The following COL18A1 variants were observed in gnomAD, a reference collection of about 807,000 sequenced individuals.
COL18A1 encodes collagen type XVIII alpha 1 chain, also known as collagen alpha-1(XVIII) chain.
Under a neutral mutation model 168.0 loss-of-function variants are expected in COL18A1, and 133 were observed. That is an observed-to-expected ratio of 0.79 (90% CI 0.69 to 0.91). COL18A1 has a LOEUF of 0.91. COL18A1 is among the 40% of genes least tolerant of loss of function. The probability of loss-of-function intolerance (pLI) is 0.00; values close to 1 mark genes in which losing one functional copy is unlikely to be tolerated. For synonymous variants in COL18A1, 949 were observed against 809.0 expected, an observed-to-expected ratio of 1.17 and a Z score of -2.94; for missense variants, 2,126 against 1,925.4, an observed-to-expected ratio of 1.10 and a Z score of -1.95.
Position 45,471,090 on chromosome 21 carries a change from C to T in COL18A1, c.651+2304C>T, listed in dbSNP as rs188862444. Among the ~76,000 whole-genome samples, 974 of 125,408 alleles carry T rather than the reference C, an allele frequency of 7.8e-3. 36 individuals are homozygous for T. Among genetic ancestry groups the T allele is most frequent in the Admixed American group, 0.063 (798 of 12,760 alleles). 82.3% of individuals were successfully genotyped at this position (125,408 alleles called of 152,430 possible). A position where few individuals can be genotyped will look rare whatever the true frequency, so the allele number is the denominator to read the frequency against. On this transcript the variant is annotated intron_variant, in intron 3 of 41. Coordinates refer to ENST00000651438, the MANE Select transcript of COL18A1 (RefSeq NM_001379500.1). This position sits in a 1 kb window ranked among gnomAD's most constrained non-coding sequence, Gnocchi z 4.4. ...GCTGCTGGGCCTGGGTGGCGCGCTA[C>T]GGGCCGTGTGCTGCTGGGCCTGGGT...
intron 38 of COL18A1, among the ~76,000 whole-genome samples, chr21:45,508,140 T>C (rs1053710737): frequency 6.8e-6 from 1 of 145,990 alleles, no homozygotes; most frequent in Admixed American, 6.8e-5. Context: ...GGTGGGTGGA[T>C]GGAAAGGTGG....
At chr21:45,490,785 A>G in intron 20 of COL18A1, 51 bp from the exon 21 acceptor site, 2 of 1,532,836 alleles carry the variant, frequency 1.3e-6, no homozygotes, top group Non-Finnish European at 1.8e-6. Flanking sequence ...ACGGGGGGCC[A>G]GGGGCTCCTG....
intron 16 of COL18A1, 84 bp from the exon 17 acceptor site, chr21:45,487,363 T>G: frequency 4.6e-6 from 7 of 1,506,534 alleles, no homozygotes; most frequent in Non-Finnish European, 6.4e-6. Flanking sequence ...TGTCCCACCC[T>G]CCTCTCGGGC....
chr21:45,468,889 GC>G lies in COL18A1; in HGVS notation c.651+108del, dbSNP rs1297628235. On this transcript the variant is annotated intron_variant, in intron 3 of 41. Transcript: ENST00000651438. ...ACGGAGCTGTGGCCGGAAGAGGAGA[GC>G]CCCCACCCCAGCTGTGGTCAGCCCG... 3.3e-6 allele frequency: 4 copies of G among 1,227,922 alleles called. No individual in the cohort carries two copies. The African/African-American group carries it at 6.1e-5, about 19-fold the overall frequency. 76.1% of individuals were successfully genotyped at this position (1,227,922 alleles called of 1,614,324 possible).
intron 2 of COL18A1, among the ~76,000 whole-genome samples, chr21:45,437,168 TCTCCTGCACACACACTCACA>T (rs1438348670): frequency 2.7e-4 from 26 of 97,398 alleles, no homozygotes; most frequent in East Asian, 6.5e-4. Context: ...ACACAGGCAC[TCTCCTGCACACACACTCACA>T]CAGACACACA....
At chr21:45,509,665 G>A (rs2037455950) in intron 39 of COL18A1, 64 bp downstream of exon 39, 2 of 912,168 alleles carry the variant, frequency 2.2e-6, no homozygotes, top group East Asian at 2.6e-5. Flanking sequence ...AGCAGAAGAG[G>A]GCCCAGCCCC....
rs1190438388 is a variant in COL18A1 at position 45,425,376 on chromosome 21, T to G, written c.106+19903T>G. On this transcript the variant is annotated intron_variant, in intron 2 of 41. Transcript: ENST00000651438. This position sits in a 1 kb window ranked among gnomAD's most constrained non-coding sequence, Gnocchi z 4.1. ...CAGACTGGGCTCCCCTGGAGGACCC[T>G]GGTGCTGACACAGAGTCAGCGGGTC... is the stretch of plus-strand genomic sequence containing the variant. Among the ~76,000 whole-genome samples the G allele has an allele frequency of 1.3e-5, 2 of 152,162 alleles. No homozygotes were observed. The highest frequency in any genetic ancestry group is 2.9e-5 in the Non-Finnish European group (2 of 68,022).
intron 32 of COL18A1, 67 bp downstream of exon 32, chr21:45,497,728 C>G: frequency 6.5e-7 from 1 of 1,544,994 alleles, no homozygotes; most frequent in Non-Finnish European, 8.7e-7. Context: ...GTGGTCACAC[C>G]TAGAGCCGCC....
intron 32 of COL18A1, among the ~76,000 whole-genome samples, chr21:45,499,782 C>T (rs2036677799): frequency 1.3e-5 from 2 of 152,140 alleles, no homozygotes; most frequent in Non-Finnish European, 2.9e-5. Flanking sequence ...GGAGGGCAGG[C>T]AGGACGGCAC....
At chr21:45,458,456 C>A (rs114675024) in intron 2 of COL18A1, among the ~76,000 whole-genome samples, 2 of 152,024 alleles carry the variant, frequency 1.3e-5, no homozygotes, top group Non-Finnish European at 2.9e-5. Context: ...TAGATGTCAC[C>A]CCCAGGGCAG....
In COL18A1 at chr21:45,497,558, C is replaced by T. The variant is rs75805623; in HGVS notation, c.2621-41C>T. ...GAGGGGCACCACCCTGGAGTCCTCC[C>T]TGGCACATTCCTGATGGGCACTGGG... On this transcript the variant is annotated intron_variant, in intron 31 of 41. Transcript: ENST00000651438. 3.8e-4 allele frequency: 587 copies of T among 1,551,026 alleles called. 4 individuals carry two copies. The East Asian group carries it at 0.011, about 29-fold the overall frequency.
intron 2 of COL18A1, among the ~76,000 whole-genome samples, chr21:45,458,102 CAGGG>C (rs893942428): frequency 3.5e-3 from 97 of 27,688 alleles, no homozygotes; most frequent in African/African-American, 8.3e-3. Flanking sequence ...AATGGAGGGG[CAGGG>C]AGGGAGGGAG....
At chr21:45,494,991 G>A in intron 28 of COL18A1, 76 bp downstream of exon 28, 2 of 1,320,472 alleles carry the variant, frequency 1.5e-6, no homozygotes, top group Non-Finnish European at 2.1e-6. Flanking sequence ...CCACGGGGGT[G>A]ACATGCCCAG....
At chr21:45,433,750 G>C (rs2145788612) in intron 2 of COL18A1, among the ~76,000 whole-genome samples, 1 of 152,322 alleles carries the variant, frequency 6.6e-6, no homozygotes, top group Admixed American at 6.5e-5. Context: ...GCATCTCTTT[G>C]GCCAGCCGTG....
chr21:45,412,244 T>C (rs1192233248), intron 2 of COL18A1, among the ~76,000 whole-genome samples: 1 of 151,022 alleles, frequency 6.6e-6, no homozygotes, highest in African/African-American at 2.4e-5. Flanking sequence ...TTTCTTTTTT[T>C]TTTTTTTTTC....
intron 2 of COL18A1, among the ~76,000 whole-genome samples, chr21:45,444,333 G>T (rs2034459260): frequency 7.2e-6 from 1 of 139,560 alleles, no homozygotes; most frequent in Admixed American, 7.0e-5. Context: ...GCGTGCAGGG[G>T]TGTAGTGAGG....
chr21:45,509,669 C>T lies in COL18A1; in HGVS notation c.3495+68C>T, dbSNP rs1441059013. 15 of 875,388 alleles carry T rather than the reference C, an allele frequency of 1.7e-5. No individual in the cohort carries two copies. In the African/African-American group the frequency reaches 2.5e-4, roughly 14 times the overall value. The allele number at this position is 875,388 out of a possible 1,614,324, so 54.2% of individuals were successfully genotyped here. A position where few individuals can be genotyped will look rare whatever the true frequency, so the allele number is the denominator to read the frequency against. ...CGGCTCTCGGCAGCAGAAGAGGGCC[C>T]AGCCCCTGCAGAGCTGCTGGGGGTC... On this transcript the variant is annotated intron_variant, in intron 39 of 41. Transcript: ENST00000651438.
At chr21:45,426,939 G>C (rs907834830) in intron 2 of COL18A1, among the ~76,000 whole-genome samples, 1 of 152,174 alleles carries the variant, frequency 6.6e-6, no homozygotes. Flanking sequence ...CGGGGGTGCC[G>C]TGCACACAGG....
chr21:45,457,021 G>A lies in COL18A1; in HGVS notation c.107-11221G>A, dbSNP rs2034854617. The A allele has an allele frequency of 4.4e-5, 30 of 683,284 alleles. No individual in the cohort carries two copies. The highest frequency in any genetic ancestry group is 6.4e-5 in the Non-Finnish European group (29 of 453,078). 42.3% of individuals were successfully genotyped at this position (683,284 alleles called of 1,614,324 possible). A position where few individuals can be genotyped will look rare whatever the true frequency, so the allele number is the denominator to read the frequency against. On this transcript the variant is annotated intron_variant, in intron 2 of 41. Transcript: ENST00000651438. This position sits in a 1 kb window ranked among gnomAD's most constrained non-coding sequence, Gnocchi z 4.6. ...GGGGCCCGTGGCCCTCGGGAGGTGG[G>A]AGAGCTGGGAGTGAGGCCTCCTGTG...
Sources: allele counts gnomAD v4.1 joint callset (sites outside exome capture counted in the v4.1 genomes callset), GRCh38; gene constraint gnomAD v4.1.1; non-coding constraint Gnocchi (gnomAD v3.1); transcripts MANE v1.5; gene names NCBI Gene and HGNC (gene_info 2026-07-23, HGNC 2026-07-21).